PDZD2: variants seen among roughly 807,000 people sequenced by gnomAD.
PDZD2 encodes the protein PDZ domain-containing protein 2.
PDZD2 carries 90 observed loss-of-function variants against 220.7 expected under a neutral mutation model. The observed-to-expected ratio is 0.41, with a 90% CI of 0.34 to 0.49. The LOEUF is 0.49. Among genes scored for constraint, PDZD2 ranks in the 20% least tolerant of loss-of-function variants. The pLI is 0.28. For missense variants in PDZD2, 3,174 were observed against 3,608.5 expected (o/e 0.88, Z 3.08); for synonymous variants, 1,375 against 1,450.5 (o/e 0.95, Z 1.18).
intron 1 of PDZD2, among the ~76,000 whole-genome samples, chr5:31,775,375 G>A (rs10058778): frequency 0.052 from 7,873 of 151,758 alleles, 644 homozygotes; most frequent in African/African-American, 0.18. Flanking sequence ...GCAGAAGCAT[G>A]TGGCGGCTTG....
intron 8 of PDZD2, among the ~76,000 whole-genome samples, 186 bp downstream of exon 8, chr5:32,048,870 GA>G (rs1323799846): frequency 6.6e-6 from 1 of 152,124 alleles, no homozygotes; most frequent in East Asian, 1.9e-4. Flanking sequence ...ATAGTGGGGG[GA>G]AAATCCCTCA....
chr5:31,721,546 T>C (rs150225234), intron 1 of PDZD2, among the ~76,000 whole-genome samples: 456 of 149,072 alleles, frequency 3.1e-3, no homozygotes, highest in African/African-American at 0.011. Flanking sequence ...TTAGAAAAAG[T>C]ATTAGGAAAC....
chr5:31,781,959 G>T (rs1753083730), intron 1 of PDZD2, among the ~76,000 whole-genome samples: 1 of 152,138 alleles, frequency 6.6e-6, no homozygotes, highest in South Asian at 2.1e-4. Context: ...GCCAGGAAGA[G>T]AAGTTCCTCC....
chr5:31,711,016 C>T (rs655135), intron 1 of PDZD2, among the ~76,000 whole-genome samples: 34,406 of 152,106 alleles, frequency 0.23, 4,299 homozygotes, highest in East Asian at 0.38. Context: ...TTTCCATTCA[C>T]GCCTTGTGAC....
Position 32,071,391 on chromosome 5 carries a change from C to G in PDZD2, c.2541C>G (p.Pro847=), listed in dbSNP as rs766402783. The change falls in exon 16 of 25, where the codon CCC becomes CCG. Residue 847 remains proline, a synonymous_variant. Transcript: ENST00000438447. The stretch of plus-strand genomic sequence containing the variant: ...GAATTTTCCCTCCAACAGGTACCCC[C>G]TTGAAGAGTCCCTCTCTTGCAAAAA... ...EANSSPGLGT[P]LKSPSLAKKD... The G allele has an allele frequency of 1.2e-6, 2 of 1,609,396 alleles. No homozygotes were observed. The highest frequency in any genetic ancestry group is 1.7e-6 in the Non-Finnish European group (2 of 1,175,712).
chr5:31,909,154 T>A, intron 2 of PDZD2: 1 of 156,730 alleles, frequency 6.4e-6, no homozygotes, highest in Non-Finnish European at 1.4e-5. Flanking sequence ...TGTGATTTTC[T>A]TTGAGGATGA....
intron 10 of PDZD2, among the ~76,000 whole-genome samples, chr5:32,054,312 C>CTTTTTTTTTTTTTTTTTTTTT (rs57135705): frequency 1.4e-5 from 1 of 69,332 alleles, no homozygotes; most frequent in African/African-American, 5.4e-5. Flanking sequence ...AAATGAACAT[C>CTTTTTTTTTTTTTTTTTTTTT]TTTTTTTTTT....
intron 2 of PDZD2, among the ~76,000 whole-genome samples, chr5:31,958,903 C>T (rs983304374): frequency 3.9e-5 from 6 of 152,124 alleles, no homozygotes; most frequent in African/African-American, 1.2e-4. Context: ...GCTGGGATTA[C>T]AGGCGTGAGC....
chr5:31,804,833 A>G lies in PDZD2; in HGVS notation c.476+5109A>G, dbSNP rs542900581. 9.9e-4 allele frequency among the ~76,000 whole-genome samples: 151 copies of G among 152,356 alleles called. 7 individuals are homozygous for G. In the South Asian group the frequency reaches 0.03, roughly 30 times the overall value. ...GGGAAGAAAATGACTTATGAAGAACAAACTATAAGGTTTCTTTTCTACCTG... is the reference window on the plus strand; with the variant it reads ...GGGAAGAAAATGACTTATGAAGAACGAACTATAAGGTTTCTTTTCTACCTG... On this transcript the variant is annotated intron_variant, in intron 2 of 24. Coordinates refer to ENST00000438447, the MANE Select transcript of PDZD2 (RefSeq NM_178140.4).
At chr5:31,768,364 C>T (rs899148051) in intron 1 of PDZD2, among the ~76,000 whole-genome samples, 7 of 152,084 alleles carry the variant, frequency 4.6e-5, no homozygotes, top group Admixed American at 4.6e-4. Flanking sequence ...GACAAAAGGC[C>T]AGGCTCAGTG....
chr5:31,678,342 G>C (rs796611187), intron 1 of PDZD2, among the ~76,000 whole-genome samples: 8 of 152,316 alleles, frequency 5.3e-5, no homozygotes, highest in African/African-American at 1.9e-4. Context: ...GAGATCCAAG[G>C]CTCTATGTCC....
Position 32,061,073 on chromosome 5 carries a change from T to G in PDZD2, c.2390T>G (p.Ile797Ser). ...RHAALSKVHAILSKCPPGPVR... is the reference protein window; with the variant it reads ...RHAALSKVHASLSKCPPGPVR... ...GCTGCTTTAAGCAAAGTCCACGCCA[T>G]CTTGAGTAAATGCCCTCCAGGACCC... is the stretch of plus-strand genomic sequence containing the variant. Residue 797 changes from isoleucine to serine, a missense_variant, in exon 14 of 25, where the codon ATC becomes AGC. Ile to Ser is a moderately radical substitution (Grantham distance 142, BLOSUM62 -2). This residue lies in a region of PDZD2 where 1,861 missense variants were observed against 2,001.0 expected (regional missense o/e 0.93). Transcript: ENST00000438447. 3 of 1,614,172 alleles carry G rather than the reference T, an allele frequency of 1.9e-6. No individual in the cohort carries two copies. Among genetic ancestry groups the G allele is most frequent in the Non-Finnish European group, 2.5e-6 (3 of 1,180,014 alleles).
chr5:32,070,952 A>G (rs1454446851), intron 15 of PDZD2, among the ~76,000 whole-genome samples: 1 of 147,084 alleles, frequency 6.8e-6, no homozygotes, highest in Non-Finnish European at 1.5e-5. Flanking sequence ...AGCCTGGGCA[A>G]CAAGAGTCCA....
chr5:31,726,041 G>A (rs541088615), intron 1 of PDZD2: 1 of 340,284 alleles, frequency 2.9e-6, no homozygotes, highest in African/African-American at 2.1e-5. Flanking sequence ...GAACCGAGAA[G>A]GCAGGAGCAC....
chr5:32,070,738 A>G (rs1421594440), intron 15 of PDZD2, among the ~76,000 whole-genome samples: 1 of 152,250 alleles, frequency 6.6e-6, no homozygotes, highest in Non-Finnish European at 1.5e-5. Context: ...GCTCACGCCT[A>G]TAATCCCGGC....
intron 2 of PDZD2, among the ~76,000 whole-genome samples, chr5:31,812,534 G>A (rs1755185589): frequency 1.3e-5 from 2 of 152,128 alleles, no homozygotes; most frequent in East Asian, 1.9e-4. Context: ...GAACTCCTGG[G>A]CTCAAGCAAT....
In PDZD2 at chr5:31,720,860, GAGA is replaced by G. The variant is rs1005523391; in HGVS notation, c.-360-78026_-360-78024del. Among the ~76,000 whole-genome samples, 4 of 152,298 alleles carry G rather than the reference GAGA, an allele frequency of 2.6e-5. No homozygotes were observed. In the East Asian group the frequency reaches 7.7e-4, roughly 29 times the overall value. The stretch of plus-strand genomic sequence containing the variant: ...GGACAGTTTTTACACAAAGGTTGGG[GAGA>G]AGGTGGGAGTTAGGGTAATATTTTT... On this transcript the variant is annotated intron_variant, in intron 1 of 24. Coordinates refer to ENST00000438447, the MANE Select transcript of PDZD2 (RefSeq NM_178140.4).
chr5:31,768,767 C>T (rs1301392126), intron 1 of PDZD2, among the ~76,000 whole-genome samples: 1 of 152,126 alleles, frequency 6.6e-6, no homozygotes, highest in African/African-American at 2.4e-5. Flanking sequence ...GTCATGATTG[C>T]ACCAGAGATT....
intron 2 of PDZD2, among the ~76,000 whole-genome samples, chr5:31,949,105 A>C (rs1404723250): frequency 1.5e-5 from 2 of 136,450 alleles, no homozygotes; most frequent in East Asian, 3.9e-4. Flanking sequence ...CTCAAAAAAA[A>C]AAAAAAAAAA....
Sources: allele counts gnomAD v4.1 joint callset (sites outside exome capture counted in the v4.1 genomes callset), GRCh38; gene constraint gnomAD v4.1.1; regional missense constraint gnomAD v4.1.1; transcripts MANE v1.5; gene names NCBI Gene and HGNC (gene_info 2026-07-23, HGNC 2026-07-21).